Variants in ZNG1C observed in about 807,000 individuals in gnomAD.
The protein encoded by ZNG1C is zinc-regulated GTPase metalloprotein activator 1C.
the ZNG1C span, among the ~76,000 whole-genome samples, chr9:68,288,354 A>G: frequency 6.6e-6 from 1 of 152,126 alleles, no homozygotes; most frequent in African/African-American, 2.4e-5. Flanking sequence ...ATGCTTCATG[A>G]GGATAGTTTT....
the ZNG1C span, among the ~76,000 whole-genome samples, chr9:68,271,865 A>G: frequency 2.0e-5 from 3 of 151,218 alleles, no homozygotes; most frequent in African/African-American, 4.8e-5. Context: ...TCCGAGGTAT[A>G]GGAAATACAG....
chr9:68,281,299 G>A, the ZNG1C span, among the ~76,000 whole-genome samples: 3 of 152,232 alleles, frequency 2.0e-5, no homozygotes, highest in Admixed American at 6.5e-5. Context: ...CCTGTCTTCT[G>A]CGTCTCTCAC....
chr9:68,299,290 A>G, the ZNG1C span: 4 of 1,293,826 alleles, frequency 3.1e-6, no homozygotes, highest in African/African-American at 6.0e-5. Context: ...AATTTTAGAA[A>G]AGTGGTTAAT....
the ZNG1C span, among the ~76,000 whole-genome samples, chr9:68,267,206 A>G: frequency 2.0e-5 from 3 of 152,290 alleles, no homozygotes; most frequent in Non-Finnish European, 2.9e-5. Flanking sequence ...TCAATCTGTC[A>G]TCTCAGTTCA....
the ZNG1C span, among the ~76,000 whole-genome samples, chr9:68,281,343 G>A: frequency 1.3e-4 from 19 of 151,452 alleles, no homozygotes; most frequent in African/African-American, 4.1e-4. Context: ...GTTCCTATTC[G>A]GCCATCTTGG....
At chr9:68,295,702 T>TA in the ZNG1C span, among the ~76,000 whole-genome samples, 1 of 70,462 alleles carries the variant, frequency 1.4e-5, no homozygotes, top group Non-Finnish European at 2.9e-5. Flanking sequence ...CCAATAAACA[T>TA]ATGGAAAAAT....
Sources: allele counts gnomAD v4.1 joint callset (sites outside exome capture counted in the v4.1 genomes callset), GRCh38; gene constraint gnomAD v4.1.1; transcripts MANE v1.5; gene names NCBI Gene and HGNC (gene_info 2026-07-23, HGNC 2026-07-21).